Variants in RPH3AL observed in about 807,000 individuals in gnomAD.
RPH3AL encodes rabphilin 3A like (without C2 domains).
RPH3AL carries 38 observed loss-of-function variants against 43.1 expected under a neutral mutation model. The observed-to-expected ratio is 0.88, with a 90% confidence interval of 0.68 to 1.15. The LOEUF is 1.15. Among genes scored for constraint, RPH3AL ranks in the 50% most tolerant of loss-of-function variants. RPH3AL has a pLI of 0.00. For missense variants in RPH3AL, 462 were observed against 423.2 expected (o/e 1.09, Z -0.81); for synonymous variants, 189 against 176.3 (o/e 1.07, Z -0.57).
At chr17:320,984 A>C (rs1368760831) in intron 4 of RPH3AL, among the ~76,000 whole-genome samples, 1 of 152,168 alleles carries the variant, frequency 6.6e-6, no homozygotes, top group African/African-American at 2.4e-5. Flanking sequence ...ACAGCCGAAC[A>C]GCTCCTGGGA....
chr17:317,000 C>G (rs1198508463), intron 5 of RPH3AL, among the ~76,000 whole-genome samples: 4 of 149,438 alleles, frequency 2.7e-5, no homozygotes, highest in Admixed American at 6.7e-5. Context: ...GTGACCCCAC[C>G]TCCATTGACC....
At chr17:334,915 C>A (rs1048641085) in intron 1 of RPH3AL, among the ~76,000 whole-genome samples, 1 of 152,194 alleles carries the variant, frequency 6.6e-6, no homozygotes, top group Non-Finnish European at 1.5e-5. Context: ...CCAGCAAGTG[C>A]GGCTCCTCCT....
intron 6 of RPH3AL, among the ~76,000 whole-genome samples, chr17:249,137 A>G (rs1364057828): frequency 1.3e-5 from 2 of 152,198 alleles, no homozygotes; most frequent in Non-Finnish European, 2.9e-5. Context: ...CACATACTGT[A>G]TAGCCTCTTT....
chr17:317,568 C>G (rs72477020), intron 5 of RPH3AL, among the ~76,000 whole-genome samples: 2 of 152,258 alleles, frequency 1.3e-5, no homozygotes, highest in Admixed American at 6.5e-5. Context: ...ACCTGTAGTC[C>G]AGGGCCTTGG....
At chr17:292,588 T>G (rs1445837276) in intron 5 of RPH3AL, among the ~76,000 whole-genome samples, 1 of 152,164 alleles carries the variant, frequency 6.6e-6, no homozygotes, top group Non-Finnish European at 1.5e-5. Flanking sequence ...AGTCTGAGCC[T>G]CGGTCCCGGG....
Position 246,085 on chromosome 17 carries a change from C to A in RPH3AL, c.613+1026G>T, listed in dbSNP as rs896300749. ...TATACCTTCTACATACGTCACTGGA[C>A]AACTTTCACATGTTCGTAATAAACA... On this transcript the variant is annotated intron_variant, in intron 7 of 9. Coordinates refer to ENST00000331302, the MANE Select transcript of RPH3AL (RefSeq NM_006987.4). The surrounding 1 kb of genome is among the most constrained non-coding windows in gnomAD (Gnocchi z 4.8). 1.3e-5 allele frequency among the ~76,000 whole-genome samples: 2 copies of A among 152,162 alleles called. No individual in the cohort carries two copies.
At chr17:315,451 A>C (rs572398192) in intron 5 of RPH3AL, among the ~76,000 whole-genome samples, 1 of 136,682 alleles carries the variant, frequency 7.3e-6, no homozygotes, top group African/African-American at 2.9e-5. Flanking sequence ...CCTCACCTCC[A>C]TTGACCTGTA....
intron 7 of RPH3AL, among the ~76,000 whole-genome samples, chr17:227,260 C>G (rs1424639730): frequency 1.3e-5 from 2 of 152,238 alleles, no homozygotes; most frequent in Admixed American, 6.5e-5. Flanking sequence ...TTTCTTTCCC[C>G]CTGCTCACTC....
At chr17:259,224 C>T (rs556588060) in intron 6 of RPH3AL, among the ~76,000 whole-genome samples, 7 of 152,180 alleles carry the variant, frequency 4.6e-5, no homozygotes, top group Non-Finnish European at 1.0e-4. Flanking sequence ...GTTCCTAAGT[C>T]CCAGCATCAG....
intron 6 of RPH3AL, 125 bp from the exon 7 acceptor site, chr17:247,410 C>T (rs2151545505): frequency 2.1e-6 from 2 of 962,268 alleles, no homozygotes; most frequent in Non-Finnish European, 3.0e-6. Flanking sequence ...GGAACTCTGG[C>T]TCTGCCCTCC....
chr17:327,154 T>C (rs1465014313), intron 3 of RPH3AL, among the ~76,000 whole-genome samples: 2 of 152,160 alleles, frequency 1.3e-5, no homozygotes, highest in Non-Finnish European at 2.9e-5. Context: ...TTACAGCCTG[T>C]TGATAGAAAG....
rs1174312769 is a variant in RPH3AL, at chr17:297,471, G to A, written c.352-15617C>T. 7.2e-5 allele frequency among the ~76,000 whole-genome samples: 11 copies of A among 152,260 alleles called. No individual in the cohort carries two copies. The East Asian group carries it at 7.7e-4, about 11-fold the overall frequency. On this transcript the variant is annotated intron_variant, in intron 5 of 9. Coordinates refer to ENST00000331302, the MANE Select transcript of RPH3AL (RefSeq NM_006987.4). ...GGGACAGTCCTGGGACCGAGCCCTCGTCCTGTGGGATCTGATGCTACCTCC... is the reference window on the plus strand; with the variant it reads ...GGGACAGTCCTGGGACCGAGCCCTCATCCTGTGGGATCTGATGCTACCTCC...
At position 274,296 on chromosome 17, in the gene RPH3AL, G is replaced by A. The variant is rs901896838; in HGVS notation, c.438+7472C>T. ...CAGGTGAGGGGATGAGGCGGGAGAC[G>A]GGAGGCGTGCCATGGACCACCTGGG... is the stretch of plus-strand genomic sequence containing the variant. On this transcript the variant is annotated intron_variant, in intron 6 of 9. Coordinates refer to ENST00000331302, the MANE Select transcript of RPH3AL (RefSeq NM_006987.4). The surrounding 1 kb of genome is among the most constrained non-coding windows in gnomAD (Gnocchi z 4.7). Among the ~76,000 whole-genome samples the A allele has an allele frequency of 4.6e-5, 7 of 152,220 alleles. No homozygotes were observed. Among genetic ancestry groups the A allele is most frequent in the African/African-American group, 1.4e-4 (6 of 41,464 alleles).
chr17:315,762 T>A, intron 5 of RPH3AL, among the ~76,000 whole-genome samples: 1 of 143,368 alleles, frequency 7.0e-6, no homozygotes, highest in Non-Finnish European at 1.5e-5. Context: ...TCCATTGACC[T>A]TTAGTCCCCG....
intron 7 of RPH3AL, among the ~76,000 whole-genome samples, chr17:243,342 TCTA>T (rs747581028): frequency 4.3e-5 from 6 of 139,178 alleles, no homozygotes; most frequent in African/African-American, 1.4e-4. Flanking sequence ...TTGCCCCTCC[TCTA>T]CTGATTACCC....
chr17:243,280 T>C (rs1479001216), intron 7 of RPH3AL, among the ~76,000 whole-genome samples: 1 of 146,188 alleles, frequency 6.8e-6, no homozygotes, highest in Non-Finnish European at 1.5e-5. Flanking sequence ...CCTCTATTGA[T>C]TACCTTCCTC....
intron 7 of RPH3AL, among the ~76,000 whole-genome samples, chr17:242,299 A>AC (rs2041564192): frequency 7.3e-6 from 1 of 136,508 alleles, no homozygotes. Flanking sequence ...TCCTCTATTG[A>AC]TTACCTTCCT....
chr17:234,572 A>C (rs2041318033), intron 7 of RPH3AL: 1 of 156,296 alleles, frequency 6.4e-6, no homozygotes. Context: ...GTGACCCAAA[A>C]CACAGGCAAA....
rs1321735517 is a variant in RPH3AL, at chr17:215,592, G to A, written c.876+62C>T. On this transcript the variant is annotated intron_variant, in intron 9 of 9. Coordinates refer to ENST00000331302, the MANE Select transcript of RPH3AL (RefSeq NM_006987.4). The surrounding 1 kb of genome is among the most constrained non-coding windows in gnomAD (Gnocchi z 4.1). The stretch of plus-strand genomic sequence containing the variant: ...GACCAGTCTCCAGTTTGGGAGGAGT[G>A]AGTGAGAGAGGACACGGCCGCGGGG... The A allele has an allele frequency of 2.4e-6, 3 of 1,231,892 alleles. No individual in the cohort carries two copies. Among genetic ancestry groups the A allele is most frequent in the Admixed American group, 4.2e-5 (1 of 23,980 alleles). The allele number at this position is 1,231,892 out of a possible 1,614,324, so 76.3% of individuals were successfully genotyped here.
Sources: gnomAD v4.1 joint callset for allele counts (sites outside exome capture counted in the v4.1 genomes callset) on GRCh38, gnomAD v4.1.1 for gene constraint, Gnocchi (gnomAD v3.1) non-coding constraint, MANE v1.5 for transcripts, NCBI Gene and HGNC (gene_info 2026-07-23, HGNC 2026-07-21) for gene names.